ATP11C: variants seen among roughly 807,000 people sequenced by gnomAD.
ATP11C encodes the protein phospholipid-transporting ATPase IG.
Under a neutral mutation model 97.4 loss-of-function variants are expected in ATP11C, and 36 were observed. The ratio of observed to expected loss-of-function variants is 0.37; its 90% CI spans 0.28 to 0.49. The LOEUF is 0.49. Ranked by LOEUF, ATP11C falls within the 20% of genes least tolerant of loss-of-function variation. The pLI is 0.98. For synonymous variants in ATP11C, 275 were observed against 290.9 expected (o/e 0.95, Z 0.56); for missense variants, 730 against 824.6 (o/e 0.89, Z 1.40).
rs986013321 is a variant in ATP11C at position 139,906,778 on chromosome X, T to C, written c.27+25238A>G. ...GCCTGGGCAACAGAGTGAGACTCTG[T>C]CTCAAAAAAAAAAACAAAACAAACA... On this transcript the variant is annotated intron_variant, in intron 1 of 29. Coordinates refer to ENST00000682941, the MANE Select transcript of ATP11C (RefSeq NM_001353812.2). Among the ~76,000 whole-genome samples the C allele has an allele frequency of 3.4e-4, 32 of 93,730 alleles. 3 individuals are homozygous for C. The Admixed American group carries it at 3.6e-3, about 11-fold the overall frequency. The allele number at this position is 93,730 out of a possible 115,157, so 81.4% of individuals were successfully genotyped here.
rs183431198 is a variant in ATP11C, at chrX:139,802,134, T to C, written c.659+102A>G. The C allele has an allele frequency of 7.4e-4, 429 of 582,842 alleles. 2 individuals carry two copies. The highest frequency in any genetic ancestry group is 2.7e-3 in the Admixed American group (107 of 40,199). The allele number at this position is 582,842 out of a possible 1,213,427, so 48.0% of individuals were successfully genotyped here. A position where few individuals can be genotyped will look rare whatever the true frequency, so the allele number is the denominator to read the frequency against. ...AAGGAATCGCCCATAAAAACACAAATGAGAGTAGGCTGGTAAGTGGTGGGT... is the reference window on the plus strand; with the variant it reads ...AAGGAATCGCCCATAAAAACACAAACGAGAGTAGGCTGGTAAGTGGTGGGT... On this transcript the variant is annotated intron_variant, in intron 7 of 29. Coordinates refer to ENST00000682941, the MANE Select transcript of ATP11C (RefSeq NM_001353812.2).
intron 1 of ATP11C, among the ~76,000 whole-genome samples, chrX:139,870,252 T>C (rs144502886): frequency 2.6e-3 from 287 of 112,238 alleles, no homozygotes; most frequent in Admixed American, 4.4e-3. Context: ...AAAGAGTACC[T>C]ACCCCATAGT....
At chrX:139,812,249 T>C (rs1370869460) in intron 5 of ATP11C, among the ~76,000 whole-genome samples, 3 of 111,811 alleles carry the variant, frequency 2.7e-5, no homozygotes, top group Non-Finnish European at 5.6e-5. Context: ...AACAGCTACA[T>C]CAAATAGCAT....
chrX:139,859,067 A>G (rs1038005693), intron 1 of ATP11C, among the ~76,000 whole-genome samples: 2 of 112,427 alleles, frequency 1.8e-5, no homozygotes, highest in East Asian at 5.5e-4. Flanking sequence ...GCTGATTAAG[A>G]CAAACTTTTT....
At chrX:139,903,343 C>T (rs917318800) in intron 1 of ATP11C, among the ~76,000 whole-genome samples, 2 of 110,249 alleles carry the variant, frequency 1.8e-5, no homozygotes, top group Non-Finnish European at 3.8e-5. Context: ...GCCCTCCTTT[C>T]TTATTGTAGG....
intron 2 of ATP11C, among the ~76,000 whole-genome samples, chrX:139,825,976 G>A (rs2083518644): frequency 8.9e-6 from 1 of 112,357 alleles, no homozygotes; most frequent in African/African-American, 3.2e-5. Context: ...GTTTCACAGA[G>A]TATTAGCCCC....
At position 139,913,833 on chromosome X, in the gene ATP11C, C is replaced by T. The variant is rs140372514; in HGVS notation, c.27+18183G>A. Among the ~76,000 whole-genome samples the T allele has an allele frequency of 5.6e-3, 631 of 111,740 alleles. 11 individuals are homozygous for T. Among genetic ancestry groups the T allele is most frequent in the African/African-American group, 0.019 (577 of 30,781 alleles). On this transcript the variant is annotated intron_variant, in intron 1 of 29. Transcript: ENST00000682941. ...AAGTCTGTTTGGTGATCTCTTCACACGGACGCGAGTGAAACAGTACTTCCT... is the reference window on the plus strand; with the variant it reads ...AAGTCTGTTTGGTGATCTCTTCACATGGACGCGAGTGAAACAGTACTTCCT...
chrX:139,798,216 C>T lies in ATP11C; in HGVS notation c.857+57G>A, dbSNP rs1396041071. 3 of 1,021,610 alleles carry T rather than the reference C, an allele frequency of 2.9e-6. No homozygotes were observed. The African/African-American group carries it at 5.8e-5, about 20-fold the overall frequency. 84.2% of individuals were successfully genotyped at this position (1,021,610 alleles called of 1,213,427 possible). On this transcript the variant is annotated intron_variant, in intron 10 of 29. Transcript: ENST00000682941. ...TTGTTATGCTTGTTACTTGGAATTA[C>T]CAAGAAAGTAACTATTTTAATCAAT... is the stretch of plus-strand genomic sequence containing the variant.
chrX:139,753,258 A>G (rs1167693505), intron 23 of ATP11C, among the ~76,000 whole-genome samples: 1 of 111,795 alleles, frequency 8.9e-6, no homozygotes, highest in Non-Finnish European at 1.9e-5. Context: ...AACAAAAATC[A>G]TACCAACCAT....
intron 1 of ATP11C, among the ~76,000 whole-genome samples, chrX:139,922,755 T>C (rs1464459526): frequency 1.8e-5 from 2 of 111,860 alleles, no homozygotes; most frequent in Non-Finnish European, 3.8e-5. Context: ...CTGTTGTGCA[T>C]AAGCCACTGA....
chrX:139,822,747 C>T (rs2083440740), intron 2 of ATP11C, among the ~76,000 whole-genome samples: 1 of 107,734 alleles, frequency 9.3e-6, no homozygotes, highest in Non-Finnish European at 1.9e-5. Flanking sequence ...CGGGGTCTCC[C>T]TTTGAACCAT....
At chrX:139,799,236 T>C (rs1441746342) in intron 8 of ATP11C, among the ~76,000 whole-genome samples, 2 of 111,841 alleles carry the variant, frequency 1.8e-5, no homozygotes, top group Non-Finnish European at 3.8e-5. Flanking sequence ...CGGTAATTAA[T>C]ATGATGATAG....
chrX:139,922,225 T>TAC (rs2085273378), intron 1 of ATP11C, among the ~76,000 whole-genome samples: 1 of 3,928 alleles, frequency 2.5e-4, no homozygotes, highest in Non-Finnish European at 7.3e-4. Flanking sequence ...CTTCTCTAAA[T>TAC]ATATATATAT....
At chrX:139,731,574 G>T in intron 29 of ATP11C, 77 bp downstream of exon 29, 1 of 567,123 alleles carries the variant, frequency 1.8e-6, no homozygotes, top group Non-Finnish European at 2.7e-6. Context: ...AATTTAGAGA[G>T]TGATATTTTC....
At chrX:139,759,145 T>C in intron 22 of ATP11C, among the ~76,000 whole-genome samples, 1 of 111,385 alleles carries the variant, frequency 9.0e-6, no homozygotes, top group Non-Finnish European at 1.9e-5. Context: ...TTGAAGCAGG[T>C]AGAGCTCAGT....
At chrX:139,816,752 A>T (rs1030608799) in intron 4 of ATP11C, 111 bp downstream of exon 4, 3 of 429,116 alleles carry the variant, frequency 7.0e-6, no homozygotes, top group Non-Finnish European at 1.2e-5. Flanking sequence ...TATAAAATAA[A>T]TCCATAAAGG....
intron 21 of ATP11C, among the ~76,000 whole-genome samples, 182 bp downstream of exon 21, chrX:139,763,134 G>A (rs2082070472): frequency 1.8e-5 from 2 of 112,406 alleles, no homozygotes; most frequent in African/African-American, 6.5e-5. Context: ...CTACCATGGG[G>A]TAGGACCTTG....
chrX:139,887,834 G>A (rs2084667782), intron 1 of ATP11C, among the ~76,000 whole-genome samples: 1 of 108,414 alleles, frequency 9.2e-6, no homozygotes, highest in Admixed American at 1.0e-4. Context: ...AGCTAGGCAT[G>A]GTAGCATGCA....
rs181431354 is a variant in ATP11C, at chrX:139,857,071, G to A, written c.28-30248C>T. Reference sequence around the variant, plus strand: ...TGGCTAGAAAAGTAGTTCGGTAAACGGAAAGAAATAATAGCCTCAATTCTT... The same window carrying A: ...TGGCTAGAAAAGTAGTTCGGTAAACAGAAAGAAATAATAGCCTCAATTCTT... On this transcript the variant is annotated intron_variant, in intron 1 of 29. Coordinates refer to ENST00000682941, the MANE Select transcript of ATP11C (RefSeq NM_001353812.2). Among the ~76,000 whole-genome samples, 29 of 111,687 alleles carry A rather than the reference G, an allele frequency of 2.6e-4. No individual in the cohort carries two copies. In the East Asian group the frequency reaches 7.1e-3, roughly 27 times the overall value.
Sources: allele counts gnomAD v4.1 joint callset (sites outside exome capture counted in the v4.1 genomes callset), GRCh38; gene constraint gnomAD v4.1.1; transcripts MANE v1.5; gene names NCBI Gene and HGNC (gene_info 2026-07-23, HGNC 2026-07-21).